SPOCK1: variants seen among roughly 807,000 people sequenced by gnomAD.
SPOCK1 encodes the protein testican-1.
In SPOCK1, 23 loss-of-function variants were observed where a neutral mutation model predicts 55.3. That is an observed-to-expected ratio of 0.42 (90% CI 0.30 to 0.59). The LOEUF is 0.59. SPOCK1 is among the 20% of genes least tolerant of loss of function. The probability of loss-of-function intolerance (pLI) is 0.22; values close to 1 mark genes in which losing one functional copy is unlikely to be tolerated. For missense variants in SPOCK1, 499 were observed against 552.5 expected (o/e 0.90, Z 0.97); for synonymous variants, 226 against 221.0 (o/e 1.02, Z -0.20).
intron 5 of SPOCK1, among the ~76,000 whole-genome samples, chr5:137,093,626 T>C (rs992292345): frequency 2.0e-5 from 3 of 152,064 alleles, no homozygotes; most frequent in African/African-American, 7.2e-5. Context: ...TGTTGTGTGG[T>C]GGTCAGAGAG....
intron 7 of SPOCK1, among the ~76,000 whole-genome samples, chr5:136,989,995 CT>C (rs1430045813): frequency 1.3e-5 from 2 of 152,236 alleles, no homozygotes; most frequent in Non-Finnish European, 2.9e-5. Context: ...ACTGCAAGCT[CT>C]GCCTCCCGGG....
chr5:137,430,926 G>A (rs1467481173), intron 2 of SPOCK1, among the ~76,000 whole-genome samples: 3 of 152,154 alleles, frequency 2.0e-5, no homozygotes, highest in Non-Finnish European at 4.4e-5. Context: ...TGGCCACAGC[G>A]ATGTCTGTAG....
chr5:137,200,018 A>G (rs1755395916), intron 3 of SPOCK1, among the ~76,000 whole-genome samples: 1 of 152,202 alleles, frequency 6.6e-6, no homozygotes. Flanking sequence ...CCAAGCCCCT[A>G]GTGCCCTGAG....
intron 5 of SPOCK1, among the ~76,000 whole-genome samples, chr5:137,073,143 G>T (rs1752649962): frequency 1.3e-5 from 2 of 152,188 alleles, no homozygotes; most frequent in African/African-American, 4.8e-5. Context: ...GTTCCTTTCT[G>T]CATTTAACAC....
intron 2 of SPOCK1, among the ~76,000 whole-genome samples, chr5:137,475,296 C>T (rs930514469): frequency 6.6e-6 from 1 of 152,128 alleles, no homozygotes; most frequent in Non-Finnish European, 1.5e-5. Flanking sequence ...GGACCCCCCT[C>T]GCCCCCAAAT....
intron 3 of SPOCK1, among the ~76,000 whole-genome samples, chr5:137,203,919 T>C (rs1288083880): frequency 6.6e-6 from 1 of 152,242 alleles, no homozygotes; most frequent in Admixed American, 6.5e-5. Flanking sequence ...GCAATGTAGA[T>C]GTGCCACCAC....
At chr5:137,462,286 A>C (rs1239163181) in intron 2 of SPOCK1, among the ~76,000 whole-genome samples, 5 of 152,178 alleles carry the variant, frequency 3.3e-5, no homozygotes, top group Non-Finnish European at 5.9e-5. Context: ...AAAGACCCCA[A>C]AGGCAGGAAC....
chr5:137,375,028 C>G (rs963670235), intron 2 of SPOCK1, among the ~76,000 whole-genome samples: 5 of 152,156 alleles, frequency 3.3e-5, no homozygotes, highest in Non-Finnish European at 7.4e-5. Context: ...TTATCTGTTT[C>G]CTATGAATGG....
intron 3 of SPOCK1, among the ~76,000 whole-genome samples, chr5:137,196,662 G>C (rs1369126): frequency 0.4 from 60,164 of 152,090 alleles, 13,053 homozygotes; most frequent in Non-Finnish European, 0.48. Context: ...ATCAGATCTT[G>C]CTTTTATAAA....
intron 6 of SPOCK1, among the ~76,000 whole-genome samples, chr5:137,009,153 C>G (rs1751305746): frequency 6.6e-6 from 1 of 152,072 alleles, no homozygotes; most frequent in Non-Finnish European, 1.5e-5. Context: ...TTGATTTTTA[C>G]AAGAAATATA....
At chr5:137,425,739 G>A (rs191705563) in intron 2 of SPOCK1, among the ~76,000 whole-genome samples, 135 of 152,232 alleles carry the variant, frequency 8.9e-4, no homozygotes, top group African/African-American at 3.2e-3. Flanking sequence ...ATATTTTCTT[G>A]AGTGTCAATT....
intron 3 of SPOCK1, among the ~76,000 whole-genome samples, chr5:137,224,348 G>T (rs1161218913): frequency 1.3e-5 from 2 of 152,210 alleles, no homozygotes; most frequent in South Asian, 2.1e-4. Flanking sequence ...TGTAGGCAGG[G>T]TATACACATA....
chr5:137,144,987 A>G (rs950882254), intron 3 of SPOCK1, among the ~76,000 whole-genome samples: 1 of 152,128 alleles, frequency 6.6e-6, no homozygotes, highest in South Asian at 2.1e-4. Context: ...TACCTCTTCT[A>G]TCACCAAACC....
At chr5:137,259,321 G>A (rs1036267082) in intron 3 of SPOCK1, among the ~76,000 whole-genome samples, 1 of 152,178 alleles carries the variant, frequency 6.6e-6, no homozygotes, top group Non-Finnish European at 1.5e-5. Flanking sequence ...AAAAAAGGAT[G>A]AGTTCATGTC....
intron 3 of SPOCK1, among the ~76,000 whole-genome samples, chr5:137,188,259 A>T (rs535298184): frequency 6.6e-6 from 1 of 152,312 alleles, no homozygotes; most frequent in South Asian, 2.1e-4. Context: ...TTCTGCCTAT[A>T]CAGCATATCT....
intron 2 of SPOCK1, among the ~76,000 whole-genome samples, chr5:137,287,747 T>A (rs967886553): frequency 6.6e-6 from 1 of 152,210 alleles, no homozygotes; most frequent in Non-Finnish European, 1.5e-5. Context: ...GTTGTGTCTA[T>A]GGACAGCTGG....
intron 2 of SPOCK1, among the ~76,000 whole-genome samples, chr5:137,490,453 T>C (rs1754150526): frequency 6.6e-6 from 1 of 152,144 alleles, no homozygotes; most frequent in African/African-American, 2.4e-5. Flanking sequence ...GCACCAGACA[T>C]ACAGAGCGTG....
chr5:137,363,928 G>A (rs1751003016), intron 2 of SPOCK1, among the ~76,000 whole-genome samples: 1 of 152,194 alleles, frequency 6.6e-6, no homozygotes, highest in Non-Finnish European at 1.5e-5. Flanking sequence ...CTTCTCTGCA[G>A]GAAGCAGGGT....
At chr5:137,181,870 C>G (rs911516533) in intron 3 of SPOCK1, among the ~76,000 whole-genome samples, 1 of 152,202 alleles carries the variant, frequency 6.6e-6, no homozygotes, top group African/African-American at 2.4e-5. Context: ...CTTTCATCCC[C>G]CAGGAGACTG....
Sources: gnomAD v4.1 joint callset for allele counts (sites outside exome capture counted in the v4.1 genomes callset) on GRCh38, gnomAD v4.1.1 for gene constraint, MANE v1.5 for transcripts, NCBI Gene and HGNC (gene_info 2026-07-23, HGNC 2026-07-21) for gene names.